NKAIN2: variants seen among roughly 807,000 people sequenced by gnomAD.
NKAIN2 encodes the protein sodium/potassium-transporting ATPase subunit beta-1-interacting protein 2.
In NKAIN2, 14 loss-of-function variants were observed where a neutral mutation model predicts 32.6. The ratio of observed to expected loss-of-function variants is 0.43; its 90% confidence interval spans 0.28 to 0.67. NKAIN2 has a LOEUF of 0.67. NKAIN2 is among the 30% of genes least tolerant of loss of function. NKAIN2 has a pLI of 0.17. For missense variants in NKAIN2, 198 were observed against 258.3 expected, an observed-to-expected ratio of 0.77 and a Z score of 1.60; for synonymous variants, 80 against 87.2, an observed-to-expected ratio of 0.92 and a Z score of 0.46.
At chr6:124,255,083 G>A (rs910766710) in intron 1 of NKAIN2, among the ~76,000 whole-genome samples, 22 of 152,264 alleles carry the variant, frequency 1.4e-4, no homozygotes, top group African/African-American at 5.3e-4. Flanking sequence ...TTGCATTAGT[G>A]TGTTTCCCTC....
At chr6:124,791,062 T>C (rs968736442) in intron 4 of NKAIN2, among the ~76,000 whole-genome samples, 1 of 152,208 alleles carries the variant, frequency 6.6e-6, no homozygotes, top group African/African-American at 2.4e-5. Flanking sequence ...AGTCTTTTTC[T>C]GTATTGAAAA....
chr6:124,220,374 C>A (rs1002303130), intron 1 of NKAIN2, among the ~76,000 whole-genome samples: 13 of 152,096 alleles, frequency 8.5e-5, no homozygotes, highest in African/African-American at 3.1e-4. Flanking sequence ...ATTACCTAGT[C>A]TTGGGCACTA....
intron 3 of NKAIN2, among the ~76,000 whole-genome samples, chr6:124,386,218 G>A (rs1031402244): frequency 1.3e-5 from 2 of 152,136 alleles, no homozygotes; most frequent in South Asian, 2.1e-4. Context: ...AGGTAGAGAA[G>A]TACTCGCTGG....
chr6:124,294,967 A>G (rs944831758), intron 2 of NKAIN2, among the ~76,000 whole-genome samples: 5 of 152,162 alleles, frequency 3.3e-5, no homozygotes, highest in African/African-American at 4.8e-5. Context: ...TTTGGCTGCA[A>G]GTATTAAGCT....
intron 1 of NKAIN2, among the ~76,000 whole-genome samples, chr6:124,049,181 C>T (rs890814791): frequency 6.6e-6 from 1 of 151,988 alleles, no homozygotes; most frequent in Admixed American, 6.6e-5. Context: ...AGGAATTTTA[C>T]ACGTAGGTTT....
chr6:124,491,116 C>T (rs544611595), intron 3 of NKAIN2, among the ~76,000 whole-genome samples: 1 of 151,606 alleles, frequency 6.6e-6, no homozygotes, highest in Admixed American at 6.6e-5. Flanking sequence ...GAATTACACA[C>T]CTGCATTCTA....
intron 3 of NKAIN2, among the ~76,000 whole-genome samples, chr6:124,392,620 G>A (rs1274960250): frequency 6.6e-6 from 1 of 151,960 alleles, no homozygotes; most frequent in East Asian, 1.9e-4. Flanking sequence ...AGCTGTGGAA[G>A]CACGCTCACT....
intron 1 of NKAIN2, among the ~76,000 whole-genome samples, chr6:124,230,826 G>T (rs1437004108): frequency 6.6e-6 from 1 of 152,074 alleles, no homozygotes; most frequent in Non-Finnish European, 1.5e-5. Context: ...GGGCTCTCAT[G>T]GAGAACCTGT....
intron 3 of NKAIN2, among the ~76,000 whole-genome samples, chr6:124,500,631 G>A (rs556123315): frequency 7.6e-4 from 116 of 151,976 alleles, no homozygotes; most frequent in African/African-American, 2.7e-3. Context: ...TCCAGCCTGC[G>A]TGACAGAGCA....
chr6:124,703,395 C>A (rs1338382925), intron 4 of NKAIN2, among the ~76,000 whole-genome samples: 1 of 152,046 alleles, frequency 6.6e-6, no homozygotes, highest in Non-Finnish European at 1.5e-5. Context: ...CTTACTTGGG[C>A]AACTTTGGAA....
intron 2 of NKAIN2, among the ~76,000 whole-genome samples, chr6:124,333,816 C>A (rs6910539): frequency 0.28 from 42,459 of 151,976 alleles, 7,193 homozygotes; most frequent in African/African-American, 0.48. Flanking sequence ...TAAGCCTATA[C>A]CTTTATCCTT....
intron 1 of NKAIN2, among the ~76,000 whole-genome samples, chr6:124,064,031 T>C (rs1163764316): frequency 6.6e-6 from 1 of 151,766 alleles, no homozygotes; most frequent in East Asian, 1.9e-4. Context: ...GTTCAATGCA[T>C]GCTCTGCCTC....
At chr6:124,398,279 A>G (rs1562155852) in intron 3 of NKAIN2, among the ~76,000 whole-genome samples, 1 of 139,382 alleles carries the variant, frequency 7.2e-6, no homozygotes, top group Non-Finnish European at 1.5e-5. Flanking sequence ...AAAAAAAAAA[A>G]AAAGATGAGC....
At chr6:124,587,709 C>T (rs1022577966) in intron 3 of NKAIN2, among the ~76,000 whole-genome samples, 10 of 152,274 alleles carry the variant, frequency 6.6e-5, no homozygotes, top group Admixed American at 1.3e-4. Context: ...CCACAAGAGA[C>T]GGGTGATGGA....
intron 3 of NKAIN2, among the ~76,000 whole-genome samples, chr6:124,553,580 T>C (rs2114873229): frequency 6.6e-6 from 1 of 152,304 alleles, no homozygotes; most frequent in East Asian, 1.9e-4. Flanking sequence ...GTGCTGGAAT[T>C]AAAGGCATGA....
intron 3 of NKAIN2, among the ~76,000 whole-genome samples, chr6:124,612,456 A>G (rs1782729287): frequency 6.6e-6 from 1 of 152,198 alleles, no homozygotes; most frequent in Non-Finnish European, 1.5e-5. Flanking sequence ...AAAAAGAGAA[A>G]TATTCAAAGA....
At chr6:124,223,816 A>T (rs929376767) in intron 1 of NKAIN2, among the ~76,000 whole-genome samples, 1 of 152,190 alleles carries the variant, frequency 6.6e-6, no homozygotes, top group Non-Finnish European at 1.5e-5. Flanking sequence ...CCTACTTGAG[A>T]TAGTTACCAC....
chr6:124,649,275 C>T (rs1018525972), intron 3 of NKAIN2, among the ~76,000 whole-genome samples: 3 of 152,056 alleles, frequency 2.0e-5, no homozygotes, highest in African/African-American at 4.8e-5. Flanking sequence ...CTAATATTAT[C>T]AATGAAAGCA....
intron 5 of NKAIN2, among the ~76,000 whole-genome samples, chr6:124,811,221 A>G (rs1780892528): frequency 1.3e-5 from 2 of 152,304 alleles, no homozygotes; most frequent in East Asian, 1.9e-4. Flanking sequence ...AGTGTCTTTC[A>G]GTGAGTTATT....
Sources: allele counts gnomAD v4.1 joint callset (sites outside exome capture counted in the v4.1 genomes callset), GRCh38; gene constraint gnomAD v4.1.1; transcripts MANE v1.5; gene names NCBI Gene and HGNC (gene_info 2026-07-23, HGNC 2026-07-21).